Variants in RAD51B observed in about 807,000 individuals in gnomAD.
The protein encoded by RAD51B is RAD51 paralog B.
Under a neutral mutation model 42.2 loss-of-function variants are expected in RAD51B, and 38 were observed. The ratio of observed to expected loss-of-function variants is 0.90; its 90% CI spans 0.70 to 1.18. The LOEUF is 1.18. RAD51B is among the 50% of genes most tolerant of loss of function. The pLI, the probability that RAD51B is intolerant of heterozygous loss-of-function variation, is 0.00. For synonymous variants in RAD51B, 154 were observed against 145.2 expected (o/e 1.06, Z -0.43); for missense variants, 373 against 400.7 (o/e 0.93, Z 0.59).
At chr14:68,166,634 G>A (rs192629364) in intron 7 of RAD51B, among the ~76,000 whole-genome samples, 6 of 152,274 alleles carry the variant, frequency 3.9e-5, no homozygotes, top group East Asian at 3.9e-4. Context: ...GGAAGAGAGT[G>A]TAAGAAAAGT....
chr14:68,056,676 A>T (rs2076480793), intron 7 of RAD51B, among the ~76,000 whole-genome samples: 1 of 151,618 alleles, frequency 6.6e-6, no homozygotes, highest in South Asian at 2.1e-4. Context: ...TGAATCCGGG[A>T]GGCAGAGGTT....
At chr14:68,407,543 A>G (rs1278141028) in intron 8 of RAD51B, among the ~76,000 whole-genome samples, 2 of 152,224 alleles carry the variant, frequency 1.3e-5, no homozygotes. Flanking sequence ...GGCCACTGTC[A>G]TATTTGCAGT....
chr14:68,016,017 C>G lies in RAD51B; in HGVS notation c.756+128813C>G, dbSNP rs1451555647. Among the ~76,000 whole-genome samples, 3 of 152,198 alleles carry G rather than the reference C, an allele frequency of 2.0e-5. No individual in the cohort carries two copies. The East Asian group carries it at 5.8e-4, about 29-fold the overall frequency. ...GCTGTTGATAGTAATCATTTTGTAT[C>G]TTGTTAAATCATTATTTGTTCCTAT... is the stretch of plus-strand genomic sequence containing the variant. On this transcript the variant is annotated intron_variant, in intron 7 of 10. Transcript: ENST00000471583.
intron 7 of RAD51B, among the ~76,000 whole-genome samples, chr14:68,180,372 A>G (rs551309811): frequency 6.6e-6 from 1 of 152,090 alleles, no homozygotes; most frequent in Non-Finnish European, 1.5e-5. Flanking sequence ...GTAGGAGGCC[A>G]CTCTGCCCAC....
chr14:67,979,866 G>A (rs1343490827), intron 7 of RAD51B, among the ~76,000 whole-genome samples: 1 of 152,020 alleles, frequency 6.6e-6, no homozygotes, highest in Non-Finnish European at 1.5e-5. Flanking sequence ...ATACATATTA[G>A]CAAGTTTAAA....
Position 68,109,198 on chromosome 14 carries a change from G to C in RAD51B, c.757-182686G>C, listed in dbSNP as rs72725194. ...TTCTCTATTATTCATGGCATTTGAT[G>C]ACCACACACTTGAAGTGCTCCCTGG... On this transcript the variant is annotated intron_variant, in intron 7 of 10. Transcript: ENST00000471583. Among the ~76,000 whole-genome samples the C allele has an allele frequency of 7.8e-3, 1,190 of 151,998 alleles. 3 individuals carry two copies. The highest frequency in any genetic ancestry group is 0.011 in the Non-Finnish European group (754 of 67,924).
At chr14:67,864,847 A>G in intron 4 of RAD51B, 156 bp from the exon 5 acceptor site, 2 of 1,191,532 alleles carry the variant, frequency 1.7e-6, no homozygotes, top group Non-Finnish European at 2.4e-6. Flanking sequence ...CATTCCATAC[A>G]ATGGATGTCT....
chr14:68,342,182 T>C (rs2082584862), intron 8 of RAD51B, among the ~76,000 whole-genome samples: 1 of 152,228 alleles, frequency 6.6e-6, no homozygotes, highest in Non-Finnish European at 1.5e-5. Context: ...TTGTCTTTTA[T>C]CTCTTTATTT....
At chr14:68,037,024 TACCC>T (rs2076134216) in intron 7 of RAD51B, among the ~76,000 whole-genome samples, 1 of 136,818 alleles carries the variant, frequency 7.3e-6, no homozygotes, top group Non-Finnish European at 1.6e-5. Flanking sequence ...CAGGAATTGT[TACCC>T]TCCCTCCCCC....
chr14:67,989,994 C>CTTTTT (rs539586350), intron 7 of RAD51B, among the ~76,000 whole-genome samples: 3 of 118,386 alleles, frequency 2.5e-5, no homozygotes, highest in Non-Finnish European at 5.1e-5. Context: ...CTTTTAACAT[C>CTTTTT]TTTTTTTTTT....
chr14:68,280,536 G>A (rs1469704713), intron 7 of RAD51B, among the ~76,000 whole-genome samples: 4 of 152,170 alleles, frequency 2.6e-5, no homozygotes, highest in Admixed American at 2.6e-4. Flanking sequence ...TCACTGAGTT[G>A]TGAGGATAAA....
intron 7 of RAD51B, among the ~76,000 whole-genome samples, chr14:68,209,961 CTTTT>C (rs111751838): frequency 1.3e-4 from 18 of 142,098 alleles, no homozygotes; most frequent in South Asian, 2.3e-4. Context: ...CTAGGAATAC[CTTTT>C]TTTTTTTTTT....
rs564273408 is a variant in RAD51B, at chr14:68,452,896, GAT to G, written c.958-15275_958-15274del. ...CAAGATTTGAAGCCATGCTTGACCA[GAT>G]CTAAGGTGTGTTACATTTTGTAATA... is the stretch of plus-strand genomic sequence containing the variant. On this transcript the variant is annotated intron_variant, in intron 9 of 10. Transcript: ENST00000471583. Among the ~76,000 whole-genome samples, 542 of 152,136 alleles carry G rather than the reference GAT, an allele frequency of 3.6e-3. 1 individual carries two copies. The highest frequency in any genetic ancestry group is 0.012 in the African/African-American group (513 of 41,528).
rs1428974987 is a variant in RAD51B, at chr14:67,864,605, A to AT, written c.316-396dup. On this transcript the variant is annotated intron_variant, in intron 4 of 10. Coordinates refer to ENST00000471583, the MANE Select transcript of RAD51B (RefSeq NM_133510.4). ...ATTTTTAACAAATGCTCAACCATTT[A>AT]TTAAAGACTCTTAAATATTTTAAGG... Among the ~76,000 whole-genome samples, 7 of 152,388 alleles carry AT rather than the reference A, an allele frequency of 4.6e-5. No homozygotes were observed. The East Asian group carries it at 1.2e-3, about 25-fold the overall frequency.
chr14:68,441,999 G>T (rs4902589), intron 9 of RAD51B, among the ~76,000 whole-genome samples: 129,484 of 152,190 alleles, frequency 0.85, 55,370 homozygotes, highest in East Asian at 0.97. Flanking sequence ...GGAATCCACT[G>T]GCAGAGCTTG....
chr14:67,843,544 G>T (rs144290634), intron 4 of RAD51B: 1 of 151,994 alleles, frequency 6.6e-6, no homozygotes, highest in Non-Finnish European at 1.5e-5. Context: ...CTCATTATTG[G>T]TCTGTTCATT....
At position 67,885,862 on chromosome 14, in the gene RAD51B, C is replaced by T. The variant is rs201722637; in HGVS notation, c.453-7C>T. ...GTTTTCGTTTGTGCTATTTTTTTCA[C>T]CCACAGACTGGTTGAAATAGCAGAA... On this transcript the variant is annotated splice_region_variant and splice_polypyrimidine_tract_variant and intron_variant, in intron 5 of 10. Transcript: ENST00000471583. 494 of 1,598,860 alleles carry T rather than the reference C, an allele frequency of 3.1e-4. No homozygotes were observed. The highest frequency in any genetic ancestry group is 3.8e-4 in the Non-Finnish European group (446 of 1,170,020).
At chr14:68,017,825 G>A (rs1290769436) in intron 7 of RAD51B, among the ~76,000 whole-genome samples, 1 of 151,938 alleles carries the variant, frequency 6.6e-6, no homozygotes, top group Non-Finnish European at 1.5e-5. Context: ...ATAAAAATTA[G>A]CTGAGTGTGG....
chr14:68,335,790 A>G (rs1253736060), intron 8 of RAD51B, among the ~76,000 whole-genome samples: 1 of 152,250 alleles, frequency 6.6e-6, no homozygotes, highest in African/African-American at 2.4e-5. Context: ...ACAAGAGCAG[A>G]AAGTTCTACA....
Sources: gnomAD v4.1 joint callset for allele counts (sites outside exome capture counted in the v4.1 genomes callset) on GRCh38, gnomAD v4.1.1 for gene constraint, MANE v1.5 for transcripts, NCBI Gene and HGNC (gene_info 2026-07-23, HGNC 2026-07-21) for gene names.